The following SYT16 variants were observed in gnomAD, a reference collection of about 807,000 sequenced individuals.
SYT16 encodes the protein synaptotagmin-16.
A neutral mutation model predicts 61.4 loss-of-function variants in SYT16; 42 were observed. The observed-to-expected ratio is 0.68, with a 90% CI of 0.53 to 0.89. The LOEUF is 0.89. SYT16 is among the 40% of genes least tolerant of loss of function. The pLI is 0.00. For missense variants in SYT16, 804 were observed against 807.3 expected, an observed-to-expected ratio of 1.00 and a Z score of 0.05; for synonymous variants, 314 against 302.3, an observed-to-expected ratio of 1.04 and a Z score of -0.40.
At chr14:61,865,702 GTTATATA>G (rs2047127306) in intron 1 of SYT16, among the ~76,000 whole-genome samples, 2 of 152,282 alleles carry the variant, frequency 1.3e-5, no homozygotes, top group Admixed American at 1.3e-4. Context: ...TTTAAAAATT[GTTATATA>G]TTGGGTGACT....
chr14:61,913,242 G>A lies in SYT16; in HGVS notation c.-324-56890G>A, dbSNP rs536410354. On this transcript the variant is annotated intron_variant, in intron 1 of 7. Transcript: ENST00000683842. ...GGGATTTTGTCCAGCATGTGACCGT[G>A]TCCCCAGAGCTGTAGTGCCCAGAAC... 5.3e-5 allele frequency among the ~76,000 whole-genome samples: 8 copies of A among 152,216 alleles called. No individual in the cohort carries two copies. In the East Asian group the frequency reaches 1.2e-3, roughly 22 times the overall value.
chr14:61,827,187 C>T (rs1258614557), intron 1 of SYT16, among the ~76,000 whole-genome samples: 1 of 152,164 alleles, frequency 6.6e-6, no homozygotes, highest in African/African-American at 2.4e-5. Flanking sequence ...CTGGTGGAGG[C>T]TTGGCTCTCT....
intron 3 of SYT16, among the ~76,000 whole-genome samples, chr14:62,044,501 T>C (rs551973992): frequency 6.6e-6 from 1 of 152,200 alleles, no homozygotes; most frequent in Admixed American, 6.5e-5. Context: ...CCTCCCTCTG[T>C]CCATGTGCTC....
At chr14:61,889,356 C>T (rs144719808) in intron 1 of SYT16, among the ~76,000 whole-genome samples, 31 of 152,278 alleles carry the variant, frequency 2.0e-4, no homozygotes, top group Admixed American at 1.0e-3. Flanking sequence ...GACATTTTCC[C>T]TAAACTGACT....
intron 1 of SYT16, among the ~76,000 whole-genome samples, chr14:61,845,179 C>T (rs571397035): frequency 3.3e-5 from 5 of 151,584 alleles, no homozygotes; most frequent in Middle Eastern, 6.8e-3. Flanking sequence ...TCCCAAGTAG[C>T]TGGGATTACA....
At chr14:62,078,026 G>A (rs1158720271) in intron 5 of SYT16, among the ~76,000 whole-genome samples, 2 of 151,960 alleles carry the variant, frequency 1.3e-5, no homozygotes, top group Admixed American at 6.6e-5. Flanking sequence ...AAGAGCAGGG[G>A]CCTCAAAGGA....
intron 7 of SYT16, among the ~76,000 whole-genome samples, chr14:62,093,296 A>C (rs1208113615): frequency 1.3e-5 from 2 of 152,154 alleles, no homozygotes; most frequent in Non-Finnish European, 2.9e-5. Flanking sequence ...TTCAATAGAA[A>C]GCAGAGAAAA....
intron 3 of SYT16, among the ~76,000 whole-genome samples, chr14:62,021,511 C>A (rs1382963841): frequency 6.6e-6 from 1 of 151,446 alleles, no homozygotes; most frequent in Non-Finnish European, 1.5e-5. Context: ...TGTTCCCTTT[C>A]CCCAGTTGCA....
chr14:61,946,652 A>T (rs1292361434), intron 1 of SYT16, among the ~76,000 whole-genome samples: 1 of 152,182 alleles, frequency 6.6e-6, no homozygotes, highest in African/African-American at 2.4e-5. Flanking sequence ...GCAATTTTGC[A>T]TTGGAAAGTT....
chr14:61,987,552 T>TA (rs1376348495), intron 2 of SYT16, among the ~76,000 whole-genome samples: 1 of 152,128 alleles, frequency 6.6e-6, no homozygotes, highest in East Asian at 1.9e-4. Context: ...CCATAGAGTT[T>TA]AGAGTTATTT....
chr14:61,845,143 G>A lies in SYT16; in HGVS notation c.-325+32333G>A, dbSNP rs1248228008. 2.7e-5 allele frequency among the ~76,000 whole-genome samples: 4 copies of A among 149,994 alleles called. No individual in the cohort carries two copies. The East Asian group carries it at 7.8e-4, about 29-fold the overall frequency. On this transcript the variant is annotated intron_variant, in intron 1 of 7. Transcript: ENST00000683842. ...GCTCACTGCAACCTCTACCTCCTGG[G>A]TTCAAGTGATTCTCTGGCCTCAGGC...
chr14:61,843,553 C>T (rs1329537702), intron 1 of SYT16, among the ~76,000 whole-genome samples: 4 of 152,156 alleles, frequency 2.6e-5, no homozygotes, highest in Non-Finnish European at 5.9e-5. Flanking sequence ...AGATTTAAGT[C>T]TTTAATCTAT....
intron 1 of SYT16, among the ~76,000 whole-genome samples, chr14:61,945,593 C>T (rs1286245269): frequency 2.0e-5 from 3 of 152,014 alleles, no homozygotes; most frequent in Admixed American, 6.5e-5. Context: ...CGGTGGCTCA[C>T]GCCTGTAATC....
chr14:62,056,540 G>A (rs113174958), intron 3 of SYT16, among the ~76,000 whole-genome samples: 6 of 152,310 alleles, frequency 3.9e-5, no homozygotes, highest in South Asian at 2.1e-4. Flanking sequence ...TGCATGGGGC[G>A]CTCTCCAAGC....
chr14:62,014,066 A>G (rs2053571558), intron 3 of SYT16, among the ~76,000 whole-genome samples: 2 of 151,692 alleles, frequency 1.3e-5, no homozygotes, highest in Non-Finnish European at 2.9e-5. Flanking sequence ...ACTCCTAGTC[A>G]TTCCTTTTCA....
chr14:61,877,426 T>A (rs752905861), intron 1 of SYT16, among the ~76,000 whole-genome samples: 1 of 152,168 alleles, frequency 6.6e-6, no homozygotes, highest in Admixed American at 6.5e-5. Flanking sequence ...ATTGCAACCT[T>A]ACCCGTGTAT....
intron 3 of SYT16, among the ~76,000 whole-genome samples, chr14:62,034,725 T>G (rs938037562): frequency 6.6e-6 from 1 of 151,820 alleles, no homozygotes; most frequent in Non-Finnish European, 1.5e-5. Flanking sequence ...TGGGGGAGAA[T>G]GGGTTGGTGA....
intron 2 of SYT16, among the ~76,000 whole-genome samples, chr14:61,987,716 G>A (rs1350746654): frequency 6.7e-6 from 1 of 148,490 alleles, no homozygotes; most frequent in Non-Finnish European, 1.5e-5. Flanking sequence ...GTTGTGTTAT[G>A]GTGGAGGGAT....
At chr14:61,955,659 A>G (rs961449437) in intron 1 of SYT16, among the ~76,000 whole-genome samples, 1 of 152,048 alleles carries the variant, frequency 6.6e-6, no homozygotes, top group Admixed American at 6.6e-5. Context: ...TATCTTATGT[A>G]TATACCACAT....
Sources: gnomAD v4.1 joint callset for allele counts (sites outside exome capture counted in the v4.1 genomes callset) on GRCh38, gnomAD v4.1.1 for gene constraint, MANE v1.5 for transcripts, NCBI Gene and HGNC (gene_info 2026-07-23, HGNC 2026-07-21) for gene names.